Variants in ST3GAL5 observed in about 807,000 individuals in gnomAD.
The protein encoded by ST3GAL5 is lactosylceramide alpha-2,3-sialyltransferase.
In ST3GAL5, 25 loss-of-function variants were observed where a neutral mutation model predicts 46.1. The observed-to-expected ratio is 0.54, with a 90% confidence interval of 0.40 to 0.76. The LOEUF is 0.76. Among genes scored for constraint, ST3GAL5 ranks in the 30% least tolerant of loss-of-function variants. The pLI is 0.00. For synonymous variants in ST3GAL5, 182 were observed against 192.7 expected, an observed-to-expected ratio of 0.94 and a Z score of 0.46; for missense variants, 431 against 521.2, an observed-to-expected ratio of 0.83 and a Z score of 1.69.
In ST3GAL5 at chr2:85,853,350, C is replaced by G. The variant is rs568261254; in HGVS notation, c.319-5146G>C. 1.0e-4 allele frequency: 33 copies of G among 330,644 alleles called. No homozygotes were observed. The East Asian group carries it at 2.5e-3, about 25-fold the overall frequency. The allele number at this position is 330,644 out of a possible 1,614,324, so 20.5% of individuals were successfully genotyped here. On this transcript the variant is annotated intron_variant, in intron 3 of 6. Coordinates refer to ENST00000638572, the MANE Select transcript of ST3GAL5 (RefSeq NM_003896.4). ...TGCCACAGCCACACTTCCTCTGCTGCAGTAATGAAGGCGGGGACCAGCGTC... is the reference window on the plus strand; with the variant it reads ...TGCCACAGCCACACTTCCTCTGCTGGAGTAATGAAGGCGGGGACCAGCGTC...
At chr2:85,859,273 G>T (rs12478916) in intron 3 of ST3GAL5, among the ~76,000 whole-genome samples, 16 of 152,000 alleles carry the variant, frequency 1.1e-4, no homozygotes, top group African/African-American at 1.7e-4. Context: ...AAGTGGAGAA[G>T]GGCAGCAGAG....
chr2:85,884,205 T>C (rs1400495896), intron 1 of ST3GAL5, among the ~76,000 whole-genome samples: 3 of 152,198 alleles, frequency 2.0e-5, no homozygotes, highest in East Asian at 1.9e-4. Flanking sequence ...AGTTAGTATA[T>C]ATAACATGTC....
chr2:85,843,724 G>A (rs1461721902), intron 6 of ST3GAL5, among the ~76,000 whole-genome samples: 3 of 152,184 alleles, frequency 2.0e-5, no homozygotes, highest in Non-Finnish European at 4.4e-5. Context: ...ATAAAGGCAT[G>A]CACACCCCCA....
chr2:85,873,092 G>A (rs1463571347), intron 1 of ST3GAL5, among the ~76,000 whole-genome samples: 1 of 152,190 alleles, frequency 6.6e-6, no homozygotes, highest in Non-Finnish European at 1.5e-5. Flanking sequence ...GAGCAGCGTT[G>A]TGGCCCTGCT....
At position 85,852,878 on chromosome 2, in the gene ST3GAL5, A is replaced by C. The variant is rs1003049564; in HGVS notation, c.319-4674T>G. The stretch of plus-strand genomic sequence containing the variant: ...TTCTTACCTCTAAGATATCCCAGGA[A>C]GGCCTGGAAAGCGGGGAGCAGCACT... On this transcript the variant is annotated intron_variant, in intron 3 of 6. Transcript: ENST00000638572. 5 of 1,303,684 alleles carry C rather than the reference A, an allele frequency of 3.8e-6. No individual in the cohort carries two copies. The African/African-American group carries it at 7.6e-5, about 20-fold the overall frequency. 80.8% of individuals were successfully genotyped at this position (1,303,684 alleles called of 1,614,324 possible).
intron 4 of ST3GAL5, chr2:85,847,454 T>C (rs959406901): frequency 3.0e-6 from 3 of 1,011,826 alleles, no homozygotes; most frequent in Non-Finnish European, 3.6e-6. Flanking sequence ...TTTGTGTTTT[T>C]GTTTCAACTT....
chr2:85,837,389 T>G lies in ST3GAL5; in HGVS notation c.*2755A>C, dbSNP rs1681597674. The G allele has an allele frequency of 6.6e-6, 1 of 152,078 alleles. No homozygotes were observed. The highest frequency in any genetic ancestry group is 2.4e-5 in the African/African-American group (1 of 41,398). The allele number at this position is 152,078 out of a possible 1,614,324, so 9.4% of individuals were successfully genotyped here. On this transcript the variant is annotated 3_prime_UTR_variant, in exon 7 of 7. Coordinates refer to ENST00000638572, the MANE Select transcript of ST3GAL5 (RefSeq NM_003896.4). ...CCTATGTAGGAGCTAAAAAAGTGGA[T>G]CTCATGAAGATAGAGAGTAGATTGG...
chr2:85,886,017 T>C (rs1169521168), intron 1 of ST3GAL5, among the ~76,000 whole-genome samples: 4 of 152,130 alleles, frequency 2.6e-5, no homozygotes, highest in Non-Finnish European at 5.9e-5. Context: ...CCACTAACAA[T>C]GCGTGACTAT....
chr2:85,840,154 C>T lies in ST3GAL5; in HGVS notation c.1247G>A (p.Arg416His), dbSNP rs200683924. ...VVKDLSGGID[R>H]EF is the part of the protein sequence containing the mutation. ...TGAGGTTTTCTGTGTTCAAAATTCA[C>T]GATCAATGCCTCCACTGAGATCTTT... is the stretch of plus-strand genomic sequence containing the variant. The change falls in exon 7 of 7, where the codon CGT becomes CAT. Residue 416 changes from arginine to histidine, a missense_variant. Physicochemically the swap from Arg to His is conservative, Grantham distance 29. Transcript: ENST00000638572. 15 of 1,614,176 alleles carry T rather than the reference C, an allele frequency of 9.3e-6. No individual in the cohort carries two copies. Among genetic ancestry groups the T allele is most frequent in the Middle Eastern group, 1.6e-4 (1 of 6,062 alleles).
chr2:85,888,705 T>C (rs1275306524), intron 1 of ST3GAL5, 119 bp downstream of exon 1: 29 of 781,494 alleles, frequency 3.7e-5, no homozygotes, highest in African/African-American at 5.6e-5. Flanking sequence ...CCCTGGGCGC[T>C]GCCCGCGGGG....
In ST3GAL5 at chr2:85,863,504, A is replaced by T; in HGVS notation, c.83-19T>A. The T allele has an allele frequency of 6.2e-7, 1 of 1,614,060 alleles. No individual in the cohort carries two copies. The highest frequency in any genetic ancestry group is 1.3e-5 in the African/African-American group (1 of 75,022). On this transcript the variant is annotated intron_variant, in intron 1 of 6. Transcript: ENST00000638572. ...GGCATTGCTGTGAAGAGAGGCGAAG[A>T]GGGCAGTGGGGAAAAAGAGAGGAGA...
intron 3 of ST3GAL5, chr2:85,850,160 G>A (rs1054936): frequency 6.6e-6 from 1 of 151,938 alleles, no homozygotes; most frequent in Non-Finnish European, 1.5e-5. Context: ...GTCTACATCC[G>A]AAGAATCTGG....
At chr2:85,848,559 T>A (rs1012116614) in intron 3 of ST3GAL5, 22 of 461,398 alleles carry the variant, frequency 4.8e-5, no homozygotes, top group Non-Finnish European at 8.3e-5. Flanking sequence ...TGATACATGC[T>A]ACAACATAGT....
intron 1 of ST3GAL5, among the ~76,000 whole-genome samples, chr2:85,865,100 A>G (rs183875484): frequency 6.6e-5 from 10 of 152,364 alleles, no homozygotes; most frequent in African/African-American, 2.4e-4. Flanking sequence ...CTACTTCTGG[A>G]CTGGTCTATG....
At chr2:85,871,947 A>G (rs1685973103) in intron 1 of ST3GAL5, among the ~76,000 whole-genome samples, 1 of 152,190 alleles carries the variant, frequency 6.6e-6, no homozygotes, top group African/African-American at 2.4e-5. Context: ...ATAGGCTAAT[A>G]TGGCCAGCAG....
At chr2:85,879,401 T>C (rs577094834) in intron 1 of ST3GAL5, among the ~76,000 whole-genome samples, 1 of 152,176 alleles carries the variant, frequency 6.6e-6, no homozygotes, top group Non-Finnish European at 1.5e-5. Context: ...TTACTGTTTC[T>C]CAAAATGATT....
chr2:85,844,966 T>C (rs184893993), intron 5 of ST3GAL5: 1 of 241,340 alleles, frequency 4.1e-6, no homozygotes, highest in Non-Finnish European at 8.3e-6. Flanking sequence ...GTTTCATATA[T>C]GCTTCATCTT....
At chr2:85,851,648 C>A (rs1200585087) in intron 3 of ST3GAL5, 1 of 1,289,448 alleles carries the variant, frequency 7.8e-7, no homozygotes, top group Non-Finnish European at 1.0e-6. Context: ...CACTGCTTGC[C>A]CATAGCTCAC....
At chr2:85,854,704 G>A (rs1683905689) in intron 3 of ST3GAL5, 1 of 152,202 alleles carries the variant, frequency 6.6e-6, no homozygotes, top group Admixed American at 6.5e-5. Flanking sequence ...CCTTCCCCCT[G>A]AAGTTGAATA....
Sources: allele counts gnomAD v4.1 joint callset (sites outside exome capture counted in the v4.1 genomes callset), GRCh38; gene constraint gnomAD v4.1.1; transcripts MANE v1.5; gene names NCBI Gene and HGNC (gene_info 2026-07-23, HGNC 2026-07-21).